The following SLX4IP variants were observed in gnomAD, a reference collection of about 807,000 sequenced individuals.
The protein encoded by SLX4IP is SLX4 interacting protein.
In SLX4IP, 34 loss-of-function variants were observed where a neutral mutation model predicts 32.9. The observed-to-expected ratio is 1.03, with a 90% CI of 0.79 to 1.38. The LOEUF (loss-of-function observed/expected upper bound fraction) is 1.38, where lower values mean the gene tolerates loss of function less well. SLX4IP is among the 40% of genes most tolerant of loss of function. SLX4IP has a pLI of 0.00. For missense variants in SLX4IP, 444 were observed against 479.0 expected, an observed-to-expected ratio of 0.93 and a Z score of 0.68; for synonymous variants, 172 against 171.7, an observed-to-expected ratio of 1.00 and a Z score of -0.01.
chr20:10,567,353 C>A (rs1601011307), intron 4 of SLX4IP, among the ~76,000 whole-genome samples: 2 of 152,300 alleles, frequency 1.3e-5, no homozygotes, highest in Non-Finnish European at 2.9e-5. Context: ...GCAGAGCCTT[C>A]ATAAATAGTT....
chr20:10,492,675 T>A (rs1000154379), intron 2 of SLX4IP, among the ~76,000 whole-genome samples: 17 of 152,208 alleles, frequency 1.1e-4, no homozygotes, highest in African/African-American at 4.1e-4. Context: ...ATCAGTCTTT[T>A]ATGGTTTGTA....
chr20:10,483,898 G>C (rs182423982), intron 2 of SLX4IP, among the ~76,000 whole-genome samples: 1 of 150,500 alleles, frequency 6.6e-6, no homozygotes, highest in Admixed American at 6.7e-5. Context: ...TATACCCAGA[G>C]GAAAGGAACA....
intron 2 of SLX4IP, among the ~76,000 whole-genome samples, chr20:10,460,058 G>GT (rs1279529496): frequency 6.6e-6 from 1 of 152,062 alleles, no homozygotes; most frequent in Non-Finnish European, 1.5e-5. Context: ...GCTTTCAGTT[G>GT]TTTTTTGTAT....
At chr20:10,489,347 A>G (rs570393762) in intron 2 of SLX4IP, among the ~76,000 whole-genome samples, 96 of 152,294 alleles carry the variant, frequency 6.3e-4, no homozygotes, top group Admixed American at 1.0e-3. Flanking sequence ...ATCTTTCCCT[A>G]CAAAATGGGC....
chr20:10,525,274 T>C (rs1380118822), intron 2 of SLX4IP, among the ~76,000 whole-genome samples: 1 of 152,146 alleles, frequency 6.6e-6, no homozygotes, highest in Non-Finnish European at 1.5e-5. Flanking sequence ...TATTTCCAAA[T>C]CCTGTACTCC....
chr20:10,481,538 C>T (rs686447), intron 2 of SLX4IP, among the ~76,000 whole-genome samples: 59,127 of 151,972 alleles, frequency 0.39, 11,692 homozygotes, highest in Non-Finnish European at 0.43. Context: ...TGCAAACTTT[C>T]TCACTGTCAG....
At chr20:10,565,315 G>A (rs2066379337) in intron 4 of SLX4IP, among the ~76,000 whole-genome samples, 1 of 152,176 alleles carries the variant, frequency 6.6e-6, no homozygotes, top group Non-Finnish European at 1.5e-5. Flanking sequence ...AAAGATATTA[G>A]ATAGCTCATA....
intron 2 of SLX4IP, among the ~76,000 whole-genome samples, chr20:10,525,813 C>T (rs779608494): frequency 2.6e-4 from 40 of 152,146 alleles, no homozygotes; most frequent in Non-Finnish European, 4.9e-4. Context: ...TTCTGTTTAC[C>T]TTCACCTCTC....
chr20:10,502,251 G>A (rs1455377208), intron 2 of SLX4IP, among the ~76,000 whole-genome samples: 2 of 152,280 alleles, frequency 1.3e-5, no homozygotes, highest in East Asian at 3.9e-4. Flanking sequence ...CAGATGCTCG[G>A]AGGAGTTGGG....
At chr20:10,549,790 A>G (rs1215785446) in intron 2 of SLX4IP, among the ~76,000 whole-genome samples, 1 of 152,348 alleles carries the variant, frequency 6.6e-6, no homozygotes, top group East Asian at 1.9e-4. Flanking sequence ...CAAGGATTTA[A>G]TTGAATGCTC....
At chr20:10,561,804 A>G (rs1411395393) in intron 4 of SLX4IP, among the ~76,000 whole-genome samples, 1 of 152,204 alleles carries the variant, frequency 6.6e-6, no homozygotes, top group Non-Finnish European at 1.5e-5. Flanking sequence ...CTCAAGTCCC[A>G]TCCAGGTTGC....
In SLX4IP at chr20:10,594,170, A is replaced by G. The variant is rs1009656411; in HGVS notation, c.239-4505A>G. On this transcript the variant is annotated intron_variant, in intron 4 of 7. Transcript: ENST00000334534. ...CTAGATGGTGGGTTTTGGGATGTTCATGACATTATTTTTCTACTTTTCTGA... is the reference window on the plus strand; with the variant it reads ...CTAGATGGTGGGTTTTGGGATGTTCGTGACATTATTTTTCTACTTTTCTGA... 2.6e-5 allele frequency among the ~76,000 whole-genome samples: 4 copies of G among 152,232 alleles called. No individual in the cohort carries two copies. In the South Asian group the frequency reaches 6.2e-4, roughly 24 times the overall value.
intron 4 of SLX4IP, among the ~76,000 whole-genome samples, chr20:10,565,779 G>A (rs2122507740): frequency 6.6e-6 from 1 of 152,242 alleles, no homozygotes; most frequent in African/African-American, 2.4e-5. Context: ...TTGCCTAACA[G>A]CCTGACTTTC....
intron 1 of SLX4IP, among the ~76,000 whole-genome samples, chr20:10,441,040 C>T (rs2065156035): frequency 6.6e-6 from 1 of 152,144 alleles, no homozygotes; most frequent in African/African-American, 2.4e-5. Context: ...TGTCTCAGGT[C>T]ATACGAAGAG....
At chr20:10,478,926 G>A (rs1177038034) in intron 2 of SLX4IP, among the ~76,000 whole-genome samples, 1 of 152,206 alleles carries the variant, frequency 6.6e-6, no homozygotes, top group Middle Eastern at 3.2e-3. Flanking sequence ...AAAGAGGGAA[G>A]GTGAAAGAAA....
chr20:10,584,228 C>T (rs2066619143), intron 4 of SLX4IP, among the ~76,000 whole-genome samples: 1 of 152,106 alleles, frequency 6.6e-6, no homozygotes, highest in South Asian at 2.1e-4. Context: ...TTTAAATTCC[C>T]TGGAGGAGTG....
intron 2 of SLX4IP, among the ~76,000 whole-genome samples, chr20:10,519,311 T>C (rs2065884444): frequency 6.6e-6 from 1 of 152,208 alleles, no homozygotes; most frequent in Non-Finnish European, 1.5e-5. Flanking sequence ...TCTAATTTTA[T>C]ACCATTTCAT....
intron 1 of SLX4IP, among the ~76,000 whole-genome samples, chr20:10,435,909 C>G (rs1433133160): frequency 6.6e-6 from 1 of 152,176 alleles, no homozygotes; most frequent in East Asian, 1.9e-4. Flanking sequence ...TAAAAAAAAT[C>G]CATTAACTCA....
chr20:10,450,868 C>T (rs2065235564), intron 1 of SLX4IP, among the ~76,000 whole-genome samples: 1 of 152,102 alleles, frequency 6.6e-6, no homozygotes, highest in South Asian at 2.1e-4. Context: ...TCTCCTGCCT[C>T]AGCCTCCTGA....
Sources: gnomAD v4.1 joint callset for allele counts (sites outside exome capture counted in the v4.1 genomes callset) on GRCh38, gnomAD v4.1.1 for gene constraint, MANE v1.5 for transcripts, NCBI Gene and HGNC (gene_info 2026-07-23, HGNC 2026-07-21) for gene names.